MCTP1: variants seen among roughly 807,000 people sequenced by gnomAD.
The protein encoded by MCTP1 is multiple C2 and transmembrane domain containing 1.
In MCTP1, 69 loss-of-function variants were observed where a neutral mutation model predicts 120.6. That is an observed-to-expected ratio of 0.57 (90% CI 0.47 to 0.70). The LOEUF is 0.70. Among genes scored for constraint, MCTP1 ranks in the 30% least tolerant of loss-of-function variants. MCTP1 has a pLI of 0.00. For missense variants in MCTP1, 1,203 were observed against 1,248.8 expected (o/e 0.96, Z 0.55); for synonymous variants, 529 against 493.1 (o/e 1.07, Z -0.96).
At position 94,930,072 on chromosome 5, in the gene MCTP1, G is replaced by A. The variant is rs573282073; in HGVS notation, c.1212+1881C>T. ...GGAAGCTTGAAAAATGCATCCGTTC[G>A]AATATATAAATGGATTGCTAATAAT... is the stretch of plus-strand genomic sequence containing the variant. On this transcript the variant is annotated intron_variant, in intron 6 of 22. Coordinates refer to ENST00000515393, the MANE Select transcript of MCTP1 (RefSeq NM_024717.7). 8.6e-5 allele frequency among the ~76,000 whole-genome samples: 13 copies of A among 151,888 alleles called. No individual in the cohort carries two copies. In the South Asian group the frequency reaches 2.1e-3, roughly 24 times the overall value.
intron 1 of MCTP1, among the ~76,000 whole-genome samples, chr5:95,211,998 G>T (rs1301347626): frequency 2.0e-5 from 3 of 152,022 alleles, no homozygotes; most frequent in Non-Finnish European, 4.4e-5. Context: ...CTAGCAGAAG[G>T]CAAGAAATAA....
intron 17 of MCTP1, chr5:94,826,662 G>A (rs529481692): frequency 6.2e-4 from 452 of 725,222 alleles, no homozygotes; most frequent in Middle Eastern, 1.2e-3. Context: ...GGCACAGCAG[G>A]AACCTTCTCT....
At chr5:94,853,448 A>G (rs918282853) in intron 17 of MCTP1, among the ~76,000 whole-genome samples, 1 of 151,974 alleles carries the variant, frequency 6.6e-6, no homozygotes, top group Non-Finnish European at 1.5e-5. Context: ...TTATGCAGAC[A>G]AGGTTCAACT....
intron 1 of MCTP1, among the ~76,000 whole-genome samples, chr5:95,121,452 G>T (rs1367017830): frequency 2.0e-5 from 3 of 151,670 alleles, no homozygotes; most frequent in African/African-American, 4.8e-5. Flanking sequence ...AGAAGTGAAA[G>T]ATCTCTACAA....
At chr5:95,009,806 T>C (rs945584433) in intron 2 of MCTP1, among the ~76,000 whole-genome samples, 2 of 152,184 alleles carry the variant, frequency 1.3e-5, no homozygotes, top group African/African-American at 4.8e-5. Context: ...ATTATGCTGC[T>C]TAAAGCAAAG....
At chr5:94,940,561 C>CAA (rs1319774316) in intron 4 of MCTP1, among the ~76,000 whole-genome samples, 1 of 98,878 alleles carries the variant, frequency 1.0e-5, no homozygotes, top group African/African-American at 4.8e-5. Context: ...CACACACACG[C>CAA]AAATATATAT....
chr5:94,958,396 G>A (rs1823230270), intron 2 of MCTP1, among the ~76,000 whole-genome samples: 1 of 152,024 alleles, frequency 6.6e-6, no homozygotes. Context: ...AAAGCTAGCA[G>A]AAGACAAGAA....
chr5:95,097,170 T>G (rs1375139319), intron 1 of MCTP1, among the ~76,000 whole-genome samples: 1 of 152,136 alleles, frequency 6.6e-6, no homozygotes, highest in Non-Finnish European at 1.5e-5. Flanking sequence ...TAATCAATGT[T>G]AATGTATTCA....
intron 3 of MCTP1, among the ~76,000 whole-genome samples, chr5:94,947,157 G>C (rs768364239): frequency 1.3e-5 from 2 of 152,068 alleles, no homozygotes; most frequent in African/African-American, 4.8e-5. Context: ...TCTCCTCCCT[G>C]TGATACCGTA....
chr5:94,942,262 C>A, intron 4 of MCTP1, 86 bp downstream of exon 4: 1 of 985,980 alleles, frequency 1.0e-6, no homozygotes, highest in Admixed American at 1.8e-5. Flanking sequence ...AATGACAGAA[C>A]TAGACCCCAG....
At chr5:95,258,146 G>C (rs1451984046) in intron 1 of MCTP1, among the ~76,000 whole-genome samples, 1 of 152,158 alleles carries the variant, frequency 6.6e-6, no homozygotes, top group East Asian at 1.9e-4. Flanking sequence ...TGGAAAATGG[G>C]GTGGGGTGAG....
chr5:95,095,703 A>T (rs186755698), intron 1 of MCTP1, among the ~76,000 whole-genome samples: 182 of 152,314 alleles, frequency 1.2e-3, no homozygotes, highest in African/African-American at 4.1e-3. Context: ...TTGTGTCAAG[A>T]TAACTGATTA....
intron 1 of MCTP1, among the ~76,000 whole-genome samples, chr5:95,155,878 G>C (rs1243135959): frequency 6.6e-6 from 1 of 152,206 alleles, no homozygotes; most frequent in Admixed American, 6.5e-5. Context: ...AAGGTGATGG[G>C]TTGGTCACTC....
chr5:94,965,824 A>T (rs1476651203), intron 2 of MCTP1, among the ~76,000 whole-genome samples: 1 of 152,158 alleles, frequency 6.6e-6, no homozygotes, highest in Admixed American at 6.5e-5. Context: ...TTATAAAAGG[A>T]TTTGAGGGGA....
chr5:94,860,252 A>G (rs1355294754), intron 17 of MCTP1, among the ~76,000 whole-genome samples: 2 of 151,736 alleles, frequency 1.3e-5, no homozygotes, highest in Non-Finnish European at 2.9e-5. Context: ...ATATGTTTAT[A>G]TCTCTGACAT....
intron 2 of MCTP1, among the ~76,000 whole-genome samples, chr5:94,954,077 T>C (rs562276054): frequency 9.9e-6 from 1 of 101,510 alleles, no homozygotes; most frequent in Non-Finnish European, 1.9e-5. Flanking sequence ...TGCATATATA[T>C]ACAAATATAT....
At chr5:94,750,358 T>A (rs1007323701) in intron 19 of MCTP1, among the ~76,000 whole-genome samples, 2 of 152,240 alleles carry the variant, frequency 1.3e-5, no homozygotes, top group Non-Finnish European at 2.9e-5. Context: ...ACTTGGTTTT[T>A]ATTCTCATTC....
intron 1 of MCTP1, among the ~76,000 whole-genome samples, chr5:95,077,886 G>A (rs555670430): frequency 4.6e-5 from 7 of 152,170 alleles, no homozygotes; most frequent in Admixed American, 1.3e-4. Flanking sequence ...AAGAAAATAT[G>A]AGATGAATTT....
intron 1 of MCTP1, among the ~76,000 whole-genome samples, chr5:95,249,250 T>A (rs186701703): frequency 6.6e-6 from 1 of 152,252 alleles, no homozygotes; most frequent in Non-Finnish European, 1.5e-5. Context: ...AGAAAATCTT[T>A]GCAATCTACC....
Sources: gnomAD v4.1 joint callset for allele counts (sites outside exome capture counted in the v4.1 genomes callset) on GRCh38, gnomAD v4.1.1 for gene constraint, MANE v1.5 for transcripts, NCBI Gene and HGNC (gene_info 2026-07-23, HGNC 2026-07-21) for gene names.